Variants in INPP5E observed in about 807,000 individuals in gnomAD.
The protein encoded by INPP5E is phosphatidylinositol polyphosphate 5-phosphatase type IV.
A neutral mutation model predicts 50.5 loss-of-function variants in INPP5E; 34 were observed. The observed-to-expected ratio is 0.67, with a 90% CI of 0.51 to 0.90. The LOEUF (loss-of-function observed/expected upper bound fraction) is 0.90, where lower values mean the gene tolerates loss of function less well. Among genes scored for constraint, INPP5E ranks in the 40% least tolerant of loss-of-function variants. The pLI is 0.00. For synonymous variants in INPP5E, 447 were observed against 406.0 expected, an observed-to-expected ratio of 1.10 and a Z score of -1.21; for missense variants, 942 against 905.5, an observed-to-expected ratio of 1.04 and a Z score of -0.52.
In INPP5E at chr9:136,429,668, G is replaced by A. The variant is rs1564430593; in HGVS notation, c.*7C>T. 6.2e-7 allele frequency: 1 copy of A among 1,613,782 alleles called. No individual in the cohort carries two copies. Among genetic ancestry groups the A allele is most frequent in the African/African-American group, 1.3e-5 (1 of 74,944 alleles). On this transcript the variant is annotated 3_prime_UTR_variant, in exon 10 of 10. Transcript: ENST00000371712. ...CGTTGCAGCTGTGAGTCCTCGTTCA[G>A]CAAACTTCAAGAAACGGAGCAGATG...
intron 1 of INPP5E, 101 bp from the exon 2 acceptor site, chr9:136,434,964 G>A: frequency 7.0e-7 from 1 of 1,426,800 alleles, no homozygotes; most frequent in Non-Finnish European, 9.6e-7. Flanking sequence ...TGGAATGTCA[G>A]GAGCTGCCCC....
intron 2 of INPP5E, 64 bp downstream of exon 2, chr9:136,434,676 C>G (rs1266433521): frequency 3.2e-6 from 5 of 1,556,826 alleles, no homozygotes; most frequent in African/African-American, 1.4e-5. Context: ...CCCCGTCCCC[C>G]TCACCCGCCT....
At position 136,431,806 on chromosome 9, in the gene INPP5E, G is replaced by GC. The variant is rs761489335; in HGVS notation, c.1549+17dup. The stretch of plus-strand genomic sequence containing the variant: ...CCTCTCCTCATCTCCCTCCATGCCC[G>GC]CCCCCCCAGGCCCTCACCTTTCCGC... On this transcript the variant is annotated intron_variant, in intron 7 of 9. Transcript: ENST00000371712. 5.0e-6 allele frequency: 6 copies of GC among 1,195,078 alleles called. No individual in the cohort carries two copies. The highest frequency in any genetic ancestry group is 7.9e-5 in the East Asian group (2 of 25,212). 74.0% of individuals were successfully genotyped at this position (1,195,078 alleles called of 1,614,324 possible).
chr9:136,434,149 C>T lies in INPP5E; in HGVS notation c.937-15G>A, dbSNP rs1297434272. The T allele has an allele frequency of 1.3e-6, 2 of 1,589,934 alleles. No individual in the cohort carries two copies. Among genetic ancestry groups the T allele is most frequent in the Admixed American group, 1.7e-5 (1 of 58,064 alleles). On this transcript the variant is annotated splice_polypyrimidine_tract_variant and intron_variant, in intron 2 of 9. Transcript: ENST00000371712. ...GGCGGGAGCTCCTGGAAGGAGGGAGCATGTGGTGGGCCGGCTCCTCCCGAA... is the reference window on the plus strand; with the variant it reads ...GGCGGGAGCTCCTGGAAGGAGGGAGTATGTGGTGGGCCGGCTCCTCCCGAA...
rs1175787391 is a variant in INPP5E, at chr9:136,432,532, G to A, written c.1334C>T (p.Ala445Val). 1.3e-6 allele frequency: 2 copies of A among 1,551,358 alleles called. No homozygotes were observed. Among genetic ancestry groups the A allele is most frequent in the Non-Finnish European group, 1.7e-6 (2 of 1,147,224 alleles). Residue 445 changes from alanine to valine, a missense_variant, in exon 6 of 10, where the codon GCC becomes GTC. Ala to Val is a moderately conservative substitution (Grantham distance 64). Transcript: ENST00000371712. ...RLLDYTRTVQALVLPRNVPDT... is the reference protein window; with the variant it reads ...RLLDYTRTVQVLVLPRNVPDT... The stretch of plus-strand genomic sequence containing the variant: ...GGGCACATTTCTGGGCAGGACCAGG[G>A]CTTGTACAGTCCTGGTGTAGTCCAG...
Position 136,429,158 on chromosome 9 carries a change from A to T in INPP5E, c.*517T>A. 1 of 202,976 alleles carries T rather than the reference A, an allele frequency of 4.9e-6. No homozygotes were observed. Among genetic ancestry groups the T allele is most frequent in the Non-Finnish European group, 1.0e-5 (1 of 97,912 alleles). The allele number at this position is 202,976 out of a possible 1,614,324, so 12.6% of individuals were successfully genotyped here. A position where few individuals can be genotyped will look rare whatever the true frequency, so the allele number is the denominator to read the frequency against. On this transcript the variant is annotated 3_prime_UTR_variant, in exon 10 of 10. Coordinates refer to ENST00000371712, the MANE Select transcript of INPP5E (RefSeq NM_019892.6). ...CTCAGCTGGGCTCTGGGGCCCACTCAGAGGTCTGAGGCCCCAGGGGTCACC... is the reference window on the plus strand; with the variant it reads ...CTCAGCTGGGCTCTGGGGCCCACTCTGAGGTCTGAGGCCCCAGGGGTCACC...
In INPP5E at chr9:136,433,271, C is replaced by A; in HGVS notation, c.1043G>T (p.Trp348Leu). ...CAGCGTCTCCTGCAGACGAGTCTCC[C>A]ACTCCCGCCTGCAGAGGAGGAAGCA... The part of the protein sequence containing the change: ...VQEGCSDRRE[W>L]ETRLQETLGP... The change falls in exon 4 of 10, where the codon TGG becomes TTG. Residue 348 changes from tryptophan to leucine, a missense_variant. Coordinates refer to ENST00000371712, the MANE Select transcript of INPP5E (RefSeq NM_019892.6). The A allele has an allele frequency of 6.3e-7, 1 of 1,583,486 alleles. No individual in the cohort carries two copies. The highest frequency in any genetic ancestry group is 2.3e-5 in the East Asian group (1 of 44,094).
Position 136,429,709 on chromosome 9 carries a change from C to T in INPP5E, c.1901G>A (p.Ser634Asn). The T allele has an allele frequency of 6.2e-7, 1 of 1,614,116 alleles. No individual in the cohort carries two copies. Among genetic ancestry groups the T allele is most frequent in the Non-Finnish European group, 8.5e-7 (1 of 1,180,044 alleles). The stretch of plus-strand genomic sequence containing the variant: ...GGAGCAGATGGTGCTGGAGTTCTGA[C>T]TCTGTAGTGCTTGCTGCCTCTGAAT... Reference protein sequence around the residue: ...KEIQRQQALQSQNSSTICSVS With the variant: ...KEIQRQQALQNQNSSTICSVS The change falls in exon 10 of 10, where the codon AGT (serine) becomes AAT (asparagine). Residue 634 changes from serine to asparagine, a missense_variant. By Grantham distance (46) the Ser-to-Asn change is conservative (BLOSUM62 1). Coordinates refer to ENST00000371712, the MANE Select transcript of INPP5E (RefSeq NM_019892.6).
rs571588033 is a variant in INPP5E, at chr9:136,439,399, A to G, written c.21T>C (p.Asn7=). The G allele has an allele frequency of 2.2e-4, 316 of 1,465,714 alleles. 1 individual carries two copies. In the African/African-American group the frequency reaches 4.1e-3, roughly 19 times the overall value. The allele number at this position is 1,465,714 out of a possible 1,614,324, so 90.8% of individuals were successfully genotyped here. ...GCGGGGCCGGCTCGGAGGGCCGCAGATTCTCCGCCTTGGACGGCATGGACG... is the reference window on the plus strand; with the variant it reads ...GCGGGGCCGGCTCGGAGGGCCGCAGGTTCTCCGCCTTGGACGGCATGGACG... MPSKAE[N]LRPSEPAPQP... is the part of the protein sequence containing the mutation. Residue 7 remains asparagine (N), a synonymous_variant, in exon 1 of 10, where the codon AAT becomes AAC. Transcript: ENST00000371712.
intron 6 of INPP5E, 143 bp downstream of exon 6, chr9:136,432,336 G>A (rs541309888): frequency 1.0e-5 from 7 of 702,682 alleles, no homozygotes; most frequent in Non-Finnish European, 1.8e-5. Flanking sequence ...AACCGCGAGG[G>A]GCCATGCGCT....
chr9:136,439,138 C>A lies in INPP5E; in HGVS notation c.282G>T (p.Arg94Ser). 1 of 1,582,830 alleles carries A rather than the reference C, an allele frequency of 6.3e-7. No individual in the cohort carries two copies. The highest frequency in any genetic ancestry group is 8.6e-7 in the Non-Finnish European group (1 of 1,168,614). The change falls in exon 1 of 10, where the codon AGG becomes AGT. Residue 94 changes from arginine to serine, a missense_variant. By Grantham distance (110) the Arg-to-Ser change is moderately radical. Transcript: ENST00000371712. ...GGTCCTCCTGGCTGCCTCGAAAACGCCTCCTCCTCCAGCCCTTGTCGTCCA... is the reference window on the plus strand; with the variant it reads ...GGTCCTCCTGGCTGCCTCGAAAACGACTCCTCCTCCAGCCCTTGTCGTCCA... The part of the protein sequence containing the change: ...LSLDDKGWRR[R>S]RFRGSQEDLE...
rs867169901 is a variant in INPP5E at position 136,429,517 on chromosome 9, C to G, written c.*158G>C. On this transcript the variant is annotated 3_prime_UTR_variant, in exon 10 of 10. Coordinates refer to ENST00000371712, the MANE Select transcript of INPP5E (RefSeq NM_019892.6). Reference sequence around the variant, plus strand: ...GTGGACCTGCCACAGAGGACAGGCTCGCTCAGGGTTGGCTTCCTTCCTGGG... The same window carrying G: ...GTGGACCTGCCACAGAGGACAGGCTGGCTCAGGGTTGGCTTCCTTCCTGGG... The G allele has an allele frequency of 3.2e-6, 3 of 940,392 alleles. No individual in the cohort carries two copies. The highest frequency in any genetic ancestry group is 3.2e-5 in the African/African-American group (2 of 62,400). The allele number at this position is 940,392 out of a possible 1,614,324, so 58.3% of individuals were successfully genotyped here. A position where few individuals can be genotyped will look rare whatever the true frequency, so the allele number is the denominator to read the frequency against.
At chr9:136,434,927 G>A in intron 1 of INPP5E, 64 bp from the exon 2 acceptor site, 1 of 1,556,020 alleles carries the variant, frequency 6.4e-7, no homozygotes, top group South Asian at 1.2e-5. Flanking sequence ...GTCTGGGCCA[G>A]GTCCCCAGGG....
chr9:136,439,522 C>T lies in INPP5E; in HGVS notation c.-103G>A. ...GCCGGCGCAGCGAGGAGCAGAAACG[C>T]CGCTGCGGCTCCCGCTTGGGCCGGG... On this transcript the variant is annotated 5_prime_UTR_variant, in exon 1 of 10. Transcript: ENST00000371712. The T allele has an allele frequency of 1.2e-6, 1 of 828,872 alleles. No homozygotes were observed. Among genetic ancestry groups the T allele is most frequent in the East Asian group, 3.4e-5 (1 of 28,990 alleles). 51.3% of individuals were successfully genotyped at this position (828,872 alleles called of 1,614,324 possible). A position where few individuals can be genotyped will look rare whatever the true frequency, so the allele number is the denominator to read the frequency against.
rs1835650674 is a variant in INPP5E, at chr9:136,429,579, G to C, written c.*96C>G. Reference sequence around the variant, plus strand: ...GAGGCACGGTCGCCACAGTCCCTCGGATCCCCGAAAGGCGGCAAACTCTTT... The same window carrying C: ...GAGGCACGGTCGCCACAGTCCCTCGCATCCCCGAAAGGCGGCAAACTCTTT... On this transcript the variant is annotated 3_prime_UTR_variant, in exon 10 of 10. Transcript: ENST00000371712. The C allele has an allele frequency of 1.3e-6, 2 of 1,522,314 alleles. No homozygotes were observed. Among genetic ancestry groups the C allele is most frequent in the South Asian group, 2.2e-5 (2 of 89,412 alleles). 94.3% of individuals were successfully genotyped at this position (1,522,314 alleles called of 1,614,324 possible).
intron 9 of INPP5E, 77 bp from the exon 10 acceptor site, chr9:136,429,884 G>T: frequency 1.9e-6 from 2 of 1,080,912 alleles, no homozygotes; most frequent in Non-Finnish European, 2.8e-6. Context: ...CGGCCCCGGA[G>T]GAGGGGGCAT....
intron 2 of INPP5E, 31 bp downstream of exon 2, chr9:136,434,709 T>TGCCCCC: frequency 6.3e-7 from 1 of 1,576,304 alleles, no homozygotes; most frequent in Non-Finnish European, 8.6e-7. Context: ...ACCCCACCCT[T>TGCCCCC]CCCCGCCCAG....
rs987360153 is a variant in INPP5E at position 136,439,254 on chromosome 9, C to G, written c.166G>C (p.Ala56Pro). 1 of 1,510,682 alleles carries G rather than the reference C, an allele frequency of 6.6e-7. No homozygotes were observed. The highest frequency in any genetic ancestry group is 1.2e-5 in the South Asian group (1 of 80,868). 93.6% of individuals were successfully genotyped at this position (1,510,682 alleles called of 1,614,324 possible). The change falls in exon 1 of 10, where the codon GCC becomes CCC. Residue 56 changes from alanine (A) to proline (P), a missense_variant. Coordinates refer to ENST00000371712, the MANE Select transcript of INPP5E (RefSeq NM_019892.6). ...GGCGGGTCCTCGCCGCTGGGCGTGG[C>G]CGGAGTGCTGCAGGCAAGCGCGGGG... is the stretch of plus-strand genomic sequence containing the variant. ...ESPALACSTP[A>P]TPSGEDPPAR...
chr9:136,429,328 GTGAC>G lies in INPP5E; in HGVS notation c.*343_*346del. 1 of 414,904 alleles carries G rather than the reference GTGAC, an allele frequency of 2.4e-6. No individual in the cohort carries two copies. Among genetic ancestry groups the G allele is most frequent in the Non-Finnish European group, 4.6e-6 (1 of 219,484 alleles). The allele number at this position is 414,904 out of a possible 1,614,324, so 25.7% of individuals were successfully genotyped here. On this transcript the variant is annotated 3_prime_UTR_variant, in exon 10 of 10. Transcript: ENST00000371712. The stretch of plus-strand genomic sequence containing the variant: ...GAGCACGGGGGTGTTGGGGGGCTCT[GTGAC>G]TGCCCCCAGGGCACAGGAGCTGCTC...
Sources: gnomAD v4.1 joint callset for allele counts on GRCh38, gnomAD v4.1.1 for gene constraint, MANE v1.5 for transcripts, NCBI Gene and HGNC (gene_info 2026-07-23, HGNC 2026-07-21) for gene names.